Variants in ATXN10 observed in about 807,000 individuals in gnomAD.
ATXN10 encodes the protein ataxin 10, also known as ataxin-10.
A neutral mutation model predicts 52.9 loss-of-function variants in ATXN10; 28 were observed. That is an observed-to-expected ratio of 0.53 (90% CI 0.39 to 0.73). The LOEUF (loss-of-function observed/expected upper bound fraction) is 0.73, where lower values mean the gene tolerates loss of function less well. Among genes scored for constraint, ATXN10 ranks in the 30% least tolerant of loss-of-function variants. The probability of loss-of-function intolerance (pLI) is 0.00; values close to 1 mark genes in which losing one functional copy is unlikely to be tolerated. For missense variants in ATXN10, 565 were observed against 577.0 expected, an observed-to-expected ratio of 0.98 and a Z score of 0.21; for synonymous variants, 226 against 221.5, an observed-to-expected ratio of 1.02 and a Z score of -0.18.
intron 10 of ATXN10, among the ~76,000 whole-genome samples, chr22:45,810,737 A>G (rs1209354980): frequency 6.6e-6 from 1 of 152,190 alleles, no homozygotes; most frequent in Non-Finnish European, 1.5e-5. Context: ...CATTCATTTA[A>G]AAGTGTTTTT....
rs1472492953 is a variant in ATXN10, at chr22:45,816,253, AAAAAAT to A, written c.1237+9241_1237+9246del. On this transcript the variant is annotated intron_variant, in intron 10 of 11. Coordinates refer to ENST00000252934, the MANE Select transcript of ATXN10 (RefSeq NM_013236.4). This position sits in a 1 kb window ranked among gnomAD's most constrained non-coding sequence, Gnocchi z 5.8. ...TGGGTGTTGCAGCAAGACTCTATCT[AAAAAAT>A]AAAAATAAATAAATAAAAATTCACT... 1.3e-5 allele frequency among the ~76,000 whole-genome samples: 2 copies of A among 152,156 alleles called. No individual in the cohort carries two copies. Among genetic ancestry groups the A allele is most frequent in the Non-Finnish European group, 2.9e-5 (2 of 68,022 alleles).
At chr22:45,773,677 C>T (rs1355298650) in intron 9 of ATXN10, among the ~76,000 whole-genome samples, 2 of 152,024 alleles carry the variant, frequency 1.3e-5, no homozygotes, top group East Asian at 1.9e-4. Flanking sequence ...AGGCTGGTCT[C>T]GAACTCCTGA....
rs1277956534 is a variant in ATXN10, at chr22:45,751,758, A to T, written c.1173+11220A>T. Among the ~76,000 whole-genome samples the T allele has an allele frequency of 8.2e-5, 5 of 61,144 alleles. No individual in the cohort carries two copies. The East Asian group carries it at 1.1e-3, about 14-fold the overall frequency. 40.1% of individuals were successfully genotyped at this position (61,144 alleles called of 152,430 possible). A position where few individuals can be genotyped will look rare whatever the true frequency, so the allele number is the denominator to read the frequency against. On this transcript the variant is annotated intron_variant, in intron 9 of 11. Coordinates refer to ENST00000252934, the MANE Select transcript of ATXN10 (RefSeq NM_013236.4). ...TTTTCTGGAAAAAAAAAAAAAATAA[A>T]AAAAAAATAATAATAATAATAATAA...
intron 6 of ATXN10, among the ~76,000 whole-genome samples, chr22:45,720,741 A>C (rs547251038): frequency 2.8e-4 from 42 of 152,256 alleles, no homozygotes; most frequent in Middle Eastern, 3.4e-3. Context: ...TTTATTTCCT[A>C]CTGGTGGGAA....
chr22:45,797,459 C>T (rs1927783689), intron 9 of ATXN10, among the ~76,000 whole-genome samples: 1 of 152,136 alleles, frequency 6.6e-6, no homozygotes, highest in Non-Finnish European at 1.5e-5. Context: ...CTAAATAACC[C>T]ACATGTCATA....
At position 45,842,492 on chromosome 22, in the gene ATXN10, AT is replaced by A. The variant is rs1929377794; in HGVS notation, c.1238-496del. ...CAGTGACTCCTAGGAAACAATTCTT[AT>A]TTCTAACTGGGCTCCCATTAAAACA... On this transcript the variant is annotated intron_variant, in intron 10 of 11. Transcript: ENST00000252934. This position sits in a 1 kb window ranked among gnomAD's most constrained non-coding sequence, Gnocchi z 4.8. Among the ~76,000 whole-genome samples the A allele has an allele frequency of 6.6e-6, 1 of 152,140 alleles. No individual in the cohort carries two copies. The highest frequency in any genetic ancestry group is 1.5e-5 in the Non-Finnish European group (1 of 68,030).
intron 9 of ATXN10, among the ~76,000 whole-genome samples, chr22:45,777,001 T>G (rs1926982759): frequency 6.6e-6 from 1 of 152,248 alleles, no homozygotes; most frequent in Admixed American, 6.5e-5. Flanking sequence ...GTCATTTGAA[T>G]AGTGGACAAC....
chr22:45,751,740 G>GAAAAAAAAAAAAAAA (rs200364242), intron 9 of ATXN10, among the ~76,000 whole-genome samples: 4 of 45,462 alleles, frequency 8.8e-5, no homozygotes, highest in South Asian at 6.5e-4. Flanking sequence ...CCTTTTTCTG[G>GAAAAAAAAAAAAAAA]AAAAAAAAAA....
intron 4 of ATXN10, among the ~76,000 whole-genome samples, chr22:45,700,830 T>C (rs1923814526): frequency 6.6e-6 from 1 of 152,208 alleles, no homozygotes; most frequent in Non-Finnish European, 1.5e-5. Flanking sequence ...CAATGCTGTA[T>C]GTTTTGGAAG....
At chr22:45,713,853 T>C (rs1052187529) in intron 5 of ATXN10, among the ~76,000 whole-genome samples, 7 of 152,204 alleles carry the variant, frequency 4.6e-5, no homozygotes, top group African/African-American at 1.4e-4. Context: ...AGATCTTTCA[T>C]TGTATGAATA....
rs76991698 is a variant in ATXN10, at chr22:45,786,978, G to A, written c.1174-19981G>A. Among the ~76,000 whole-genome samples the A allele has an allele frequency of 0.086, 13,132 of 152,220 alleles. 738 individuals are homozygous for A. Among genetic ancestry groups the A allele is most frequent in the Middle Eastern group, 0.15 (44 of 294 alleles). On this transcript the variant is annotated intron_variant, in intron 9 of 11. Transcript: ENST00000252934. The surrounding 1 kb of genome is among the most constrained non-coding windows in gnomAD (Gnocchi z 4.1). Reference sequence around the variant, plus strand: ...AAAATTGTCTATATGGATGCTCATTGCATTGTTGGTGAAAATTTAGTCATG... The same window carrying A: ...AAAATTGTCTATATGGATGCTCATTACATTGTTGGTGAAAATTTAGTCATG...
rs769551574 is a variant in ATXN10, at chr22:45,763,583, C to T, written c.1173+23045C>T. 3.9e-5 allele frequency among the ~76,000 whole-genome samples: 6 copies of T among 152,142 alleles called. No individual in the cohort carries two copies. The highest frequency in any genetic ancestry group is 2.9e-5 in the Non-Finnish European group (2 of 68,020). On this transcript the variant is annotated intron_variant, in intron 9 of 11. Transcript: ENST00000252934. The surrounding 1 kb of genome is among the most constrained non-coding windows in gnomAD (Gnocchi z 6.9). ...ACCTGTTAAAAGTCGGACCCCACCA[C>T]GCCCCCCACCTCTCTGTCCCTGCTC...
At chr22:45,836,695 G>C (rs1929179177) in intron 10 of ATXN10, among the ~76,000 whole-genome samples, 1 of 152,178 alleles carries the variant, frequency 6.6e-6, no homozygotes, top group Non-Finnish European at 1.5e-5. Context: ...TTCTTTGGCT[G>C]ACAGAAATTG....
chr22:45,694,742 A>G (rs1321734312), intron 3 of ATXN10, among the ~76,000 whole-genome samples: 2 of 151,494 alleles, frequency 1.3e-5, no homozygotes, highest in Non-Finnish European at 2.9e-5. Context: ...AGATCGTGCC[A>G]TTGCACTCCA....
intron 10 of ATXN10, chr22:45,811,693 C>T (rs1569074756): frequency 2.1e-6 from 1 of 470,496 alleles, no homozygotes; most frequent in Non-Finnish European, 4.4e-6. Flanking sequence ...TGTCTCTATC[C>T]CCAGTGCCAC....
At chr22:45,745,987 CTTTT>C (rs987200447) in intron 9 of ATXN10, among the ~76,000 whole-genome samples, 1 of 151,852 alleles carries the variant, frequency 6.6e-6, no homozygotes, top group Admixed American at 6.6e-5. Flanking sequence ...TTTTGAAAGT[CTTTT>C]TTTATGTTTG....
At chr22:45,721,429 G>A (rs2146778429) in intron 6 of ATXN10, among the ~76,000 whole-genome samples, 1 of 152,282 alleles carries the variant, frequency 6.6e-6, no homozygotes, top group South Asian at 2.1e-4. Context: ...TGATTGAAAT[G>A]TGTATAAAAC....
In ATXN10 at chr22:45,748,077, G is replaced by A. The variant is rs868396844; in HGVS notation, c.1173+7539G>A. On this transcript the variant is annotated intron_variant, in intron 9 of 11. Coordinates refer to ENST00000252934, the MANE Select transcript of ATXN10 (RefSeq NM_013236.4). ...GCCAGTGCTCCCAGGTGCTTGGGGG[G>A]CTGAGGTGGGACGGTTGATTGAGCT... Among the ~76,000 whole-genome samples the A allele has an allele frequency of 3.9e-5, 6 of 152,116 alleles. No individual in the cohort carries two copies. The South Asian group carries it at 1.2e-3, about 32-fold the overall frequency.
intron 7 of ATXN10, among the ~76,000 whole-genome samples, chr22:45,731,019 C>T (rs1233557616): frequency 1.3e-5 from 2 of 152,172 alleles, no homozygotes; most frequent in African/African-American, 4.8e-5. Flanking sequence ...TTAGATCATT[C>T]AGGTCTTGTT....
Sources: allele counts gnomAD v4.1 joint callset (sites outside exome capture counted in the v4.1 genomes callset), GRCh38; gene constraint gnomAD v4.1.1; non-coding constraint Gnocchi (gnomAD v3.1); transcripts MANE v1.5; gene names NCBI Gene and HGNC (gene_info 2026-07-23, HGNC 2026-07-21).